RANBP3: variants seen among roughly 807,000 people sequenced by gnomAD.
RANBP3 encodes the protein ran-binding protein 3.
A neutral mutation model predicts 77.3 loss-of-function variants in RANBP3; 14 were observed. The ratio of observed to expected loss-of-function variants is 0.18; its 90% CI spans 0.12 to 0.28. RANBP3 has a LOEUF of 0.28. Among genes scored for constraint, RANBP3 ranks in the 10% least tolerant of loss-of-function variants. The probability of loss-of-function intolerance (pLI) is 1.00; values close to 1 mark genes in which losing one functional copy is unlikely to be tolerated. For missense variants in RANBP3, 586 were observed against 752.3 expected (o/e 0.78, Z 2.59); for synonymous variants, 315 against 312.4 (o/e 1.01, Z -0.09).
intron 5 of RANBP3, among the ~76,000 whole-genome samples, chr19:5,940,248 A>G (rs374827523): frequency 3.9e-5 from 6 of 152,254 alleles, no homozygotes; most frequent in East Asian, 1.9e-4. Flanking sequence ...TCACAGCCCA[A>G]ACACCTCCTC....
intron 1 of RANBP3, among the ~76,000 whole-genome samples, chr19:5,974,737 C>T (rs554117311): frequency 6.6e-6 from 1 of 152,296 alleles, no homozygotes; most frequent in South Asian, 2.1e-4. Context: ...ACCCTGCCTG[C>T]ACATGAGAAT....
chr19:5,923,203 A>G lies in RANBP3; in HGVS notation c.1200T>C (p.Asn400=), dbSNP rs199908115. ...GGGGCCGGCCCCTCACCTGTAACAC[A>G]TTGCTCTCCGCCTCCTCCCCGGTGA... is the stretch of plus-strand genomic sequence containing the variant. ...EVITGEEAES[N]VLQMQCKLFV... Residue 400 remains asparagine (N), a synonymous_variant, in exon 13 of 17, where the codon AAT becomes AAC. Transcript: ENST00000340578. 1.9e-3 allele frequency: 3,003 copies of G among 1,614,048 alleles called. 14 individuals are homozygous for G. Among genetic ancestry groups the G allele is most frequent in the South Asian group, 0.011 (985 of 91,078 alleles).
intron 1 of RANBP3, among the ~76,000 whole-genome samples, chr19:5,964,324 C>A (rs1276121646): frequency 3.3e-5 from 5 of 152,214 alleles, no homozygotes; most frequent in African/African-American, 1.2e-4. Context: ...CCCCCCACCT[C>A]CACCCAGTCA....
intron 14 of RANBP3, among the ~76,000 whole-genome samples, chr19:5,920,249 A>G (rs1017181679): frequency 6.6e-6 from 1 of 152,124 alleles, no homozygotes; most frequent in African/African-American, 2.4e-5. Flanking sequence ...AAAAATAAAA[A>G]CATTAGCCAG....
chr19:5,970,594 G>A (rs962889236), intron 1 of RANBP3, among the ~76,000 whole-genome samples: 3 of 152,050 alleles, frequency 2.0e-5, no homozygotes, highest in Non-Finnish European at 4.4e-5. Context: ...GGCTAGAGGG[G>A]CTACCCAACA....
At chr19:5,957,358 G>A (rs777256449) in intron 2 of RANBP3, among the ~76,000 whole-genome samples, 2 of 152,132 alleles carry the variant, frequency 1.3e-5, no homozygotes, top group African/African-American at 2.4e-5. Flanking sequence ...ACCACACTGC[G>A]ACCCAGACAC....
chr19:5,937,764 T>C (rs547284766), intron 5 of RANBP3, among the ~76,000 whole-genome samples: 2 of 18,370 alleles, frequency 1.1e-4, no homozygotes, highest in East Asian at 0.053. Context: ...GCGAAACAGC[T>C]GCCCTGCTCG....
chr19:5,947,270 C>T (rs1358589612), intron 3 of RANBP3, among the ~76,000 whole-genome samples: 3 of 148,826 alleles, frequency 2.0e-5, no homozygotes, highest in South Asian at 2.1e-4. Flanking sequence ...GCCCAGATGG[C>T]GCCACTGCTC....
intron 2 of RANBP3, among the ~76,000 whole-genome samples, chr19:5,957,396 T>C (rs1424922012): frequency 6.6e-6 from 1 of 152,166 alleles, no homozygotes; most frequent in Non-Finnish European, 1.5e-5. Flanking sequence ...AGCAGCCTCA[T>C]GGACACGGGA....
rs373990494 is a variant in RANBP3 at position 5,925,627 on chromosome 19, C to T, written c.917+7G>A. On this transcript the variant is annotated splice_region_variant and intron_variant, in intron 10 of 16. Transcript: ENST00000340578. ...GCCAGGCTGGCCGCTGACACCGAGACACACACCTGGAACTGATATACTGGA... is the reference window on the plus strand; with the variant it reads ...GCCAGGCTGGCCGCTGACACCGAGATACACACCTGGAACTGATATACTGGA... The T allele has an allele frequency of 2.5e-6, 4 of 1,612,984 alleles. No homozygotes were observed. The African/African-American group carries it at 5.4e-5, about 22-fold the overall frequency.
At chr19:5,932,794 G>C in intron 6 of RANBP3, 1 of 504,968 alleles carries the variant, frequency 2.0e-6, no homozygotes, top group Non-Finnish European at 3.5e-6. Context: ...GCACAGTAAC[G>C]TGGCGGGGCG....
chr19:5,934,203 T>C (rs905195236), intron 5 of RANBP3: 1 of 152,294 alleles, frequency 6.6e-6, no homozygotes, highest in African/African-American at 2.4e-5. Flanking sequence ...TCTGTGTGTC[T>C]TGGCAACTGT....
chr19:5,972,914 A>C (rs1057064176), intron 1 of RANBP3, among the ~76,000 whole-genome samples: 1 of 152,238 alleles, frequency 6.6e-6, no homozygotes, highest in African/African-American at 2.4e-5. Context: ...ATTTTCTGGT[A>C]AACGGAGAGG....
intron 7 of RANBP3, 39 bp from the exon 8 acceptor site, chr19:5,931,570 G>T: frequency 6.3e-7 from 1 of 1,579,342 alleles, no homozygotes; most frequent in South Asian, 1.1e-5. Context: ...ACAGGTGCTT[G>T]GCGGCCCTCC....
chr19:5,918,841 C>A (rs552997602), intron 14 of RANBP3, among the ~76,000 whole-genome samples: 1 of 152,240 alleles, frequency 6.6e-6, no homozygotes, highest in South Asian at 2.1e-4. Context: ...TCCTCCTCCC[C>A]AAGCCTGGAC....
chr19:5,934,142 T>C (rs1444893532), intron 5 of RANBP3: 1 of 152,286 alleles, frequency 6.6e-6, no homozygotes. Context: ...GCTCCTGGGA[T>C]GGCTCGAGAG....
At position 5,923,849 on chromosome 19, in the gene RANBP3, C is replaced by T. The variant is rs751270763; in HGVS notation, c.1062G>A (p.Gly354=). The part of the protein sequence containing the change: ...ANRENAAAES[G]SESSSQEATP... ...TGGCCTCCTGGGACGAGGACTCAGA[C>T]CCTGACTCGGCAGCTGCATTTTCCC... Residue 354 remains glycine, a synonymous_variant, in exon 12 of 17, where the codon GGG becomes GGA. Coordinates refer to ENST00000340578, the MANE Select transcript of RANBP3 (RefSeq NM_007322.3). The T allele has an allele frequency of 1.2e-6, 2 of 1,614,040 alleles. No individual in the cohort carries two copies. Among genetic ancestry groups the T allele is most frequent in the African/African-American group, 2.7e-5 (2 of 74,912 alleles).
At chr19:5,957,073 G>A (rs1372478151) in intron 2 of RANBP3, among the ~76,000 whole-genome samples, 10 of 151,936 alleles carry the variant, frequency 6.6e-5, no homozygotes, top group Admixed American at 5.9e-4. Context: ...TATGAGGTGG[G>A]GAGTGCCGTC....
intron 8 of RANBP3, 113 bp from the exon 9 acceptor site, chr19:5,928,200 T>C: frequency 7.8e-7 from 1 of 1,282,320 alleles, no homozygotes; most frequent in Non-Finnish European, 1.1e-6. Flanking sequence ...CCTCTGCATG[T>C]GCCTGCACTC....
Sources: gnomAD v4.1 joint callset for allele counts (sites outside exome capture counted in the v4.1 genomes callset) on GRCh38, gnomAD v4.1.1 for gene constraint, MANE v1.5 for transcripts, NCBI Gene and HGNC (gene_info 2026-07-23, HGNC 2026-07-21) for gene names.